Variants in INO80 observed in about 807,000 individuals in gnomAD.
INO80 encodes the protein INO80 complex ATPase subunit, also known as chromatin-remodeling ATPase INO80.
A neutral mutation model predicts 203.4 loss-of-function variants in INO80; 20 were observed. That is an observed-to-expected ratio of 0.10 (90% CI 0.07 to 0.14). The LOEUF (loss-of-function observed/expected upper bound fraction) is 0.14. Ranked by LOEUF, INO80 falls within the 10% of genes least tolerant of loss-of-function variation. The pLI, the probability that INO80 is intolerant of heterozygous loss-of-function variation, is 1.00. For synonymous variants in INO80, 726 were observed against 685.2 expected (o/e 1.06, Z -0.93); for missense variants, 1,419 against 1,914.4 (o/e 0.74, Z 4.83).
intron 1 of INO80, among the ~76,000 whole-genome samples, chr15:41,101,861 C>T (rs1445877143): frequency 6.6e-6 from 1 of 150,532 alleles, no homozygotes; most frequent in African/African-American, 2.4e-5. Flanking sequence ...ATTTGTAACT[C>T]TTAGTCAAGG....
intron 24 of INO80, among the ~76,000 whole-genome samples, chr15:41,029,202 A>G (rs2044422435): frequency 6.6e-6 from 1 of 152,242 alleles, no homozygotes; most frequent in South Asian, 2.1e-4. Flanking sequence ...CTGTAAGAGA[A>G]TAATAGTTAT....
Position 40,983,032 on chromosome 15 carries a change from G to A in INO80, c.4283C>T (p.Ala1428Val). Residue 1428 changes from alanine (A) to valine (V), a missense_variant, in exon 35 of 36, where the codon GCC becomes GTC. This residue lies in a region of INO80 where 214 missense variants were observed against 248.9 expected (regional missense o/e 0.86). Coordinates refer to ENST00000648947, the MANE Select transcript of INO80 (RefSeq NM_017553.3). ...ACCTTTGGGGCGGCCTCGGCTTCGGGCTGAGTGACCACGTCCTGCAGCTGG... is the reference window on the plus strand; with the variant it reads ...ACCTTTGGGGCGGCCTCGGCTTCGGACTGAGTGACCACGTCCTGCAGCTGG... Reference protein sequence around the residue: ...EMPAAGRGHSARSRGRPKGSG... With the variant: ...EMPAAGRGHSVRSRGRPKGSG... 6.2e-7 allele frequency: 1 copy of A among 1,613,986 alleles called. No individual in the cohort carries two copies.
rs112601237 is a variant in INO80, at chr15:41,073,001, G to A, written c.1395+427C>T. On this transcript the variant is annotated intron_variant, in intron 11 of 35. Coordinates refer to ENST00000648947, the MANE Select transcript of INO80 (RefSeq NM_017553.3). Reference sequence around the variant, plus strand: ...TCACCGTGTTAGCCTGGATGGTCTCGATCTCCTGACCTCGTGATCCACCCA... The same window carrying A: ...TCACCGTGTTAGCCTGGATGGTCTCAATCTCCTGACCTCGTGATCCACCCA... 8.4e-4 allele frequency among the ~76,000 whole-genome samples: 128 copies of A among 151,968 alleles called. 1 individual carries two copies. The highest frequency in any genetic ancestry group is 3.0e-3 in the African/African-American group (123 of 41,440).
chr15:41,079,614 T>G, intron 9 of INO80, 87 bp downstream of exon 9: 3 of 1,151,486 alleles, frequency 2.6e-6, no homozygotes, highest in Non-Finnish European at 3.9e-6. Context: ...GTGTCATTGG[T>G]TAGATGTACA....
At chr15:40,983,375 A>C (rs2140407129) in intron 34 of INO80, among the ~76,000 whole-genome samples, 1 of 152,242 alleles carries the variant, frequency 6.6e-6, no homozygotes, top group South Asian at 2.1e-4. Flanking sequence ...GCGACTTGCT[A>C]CCTGGGACTC....
At chr15:41,026,865 C>A (rs1340871730) in intron 25 of INO80, among the ~76,000 whole-genome samples, 1 of 152,184 alleles carries the variant, frequency 6.6e-6, no homozygotes, top group Non-Finnish European at 1.5e-5. Flanking sequence ...GTAAATAACC[C>A]CAGTGTGCCA....
chr15:41,079,936 G>C, intron 8 of INO80, 32 bp from the exon 9 acceptor site: 5 of 1,594,024 alleles, frequency 3.1e-6, no homozygotes, highest in Non-Finnish European at 3.4e-6. Flanking sequence ...CAGCGGAAAG[G>C]ACCCCATACC....
intron 13 of INO80, 151 bp downstream of exon 13, chr15:41,070,316 A>T (rs943861653): frequency 5.9e-6 from 4 of 676,284 alleles, no homozygotes; most frequent in African/African-American, 5.4e-5. Flanking sequence ...GTTATAAAAC[A>T]CTGTCCCCTT....
rs1010451266 is a variant in INO80, at chr15:41,114,199, G to A, written c.-44+1774C>T. 5.3e-5 allele frequency among the ~76,000 whole-genome samples: 8 copies of A among 151,504 alleles called. No individual in the cohort carries two copies. In the South Asian group the frequency reaches 6.3e-4, roughly 12 times the overall value. On this transcript the variant is annotated intron_variant, in intron 1 of 35. Coordinates refer to ENST00000648947, the MANE Select transcript of INO80 (RefSeq NM_017553.3). ...GGAGAATTGCTTGAACCCGGGAGGC[G>A]GAAGCTGCAGTGAGCCGAGATCACG...
intron 1 of INO80, among the ~76,000 whole-genome samples, chr15:41,099,082 A>G (rs1395670185): frequency 6.6e-6 from 1 of 151,376 alleles, no homozygotes; most frequent in Non-Finnish European, 1.5e-5. Context: ...GTGTCCCTAC[A>G]AAAAATTTAA....
chr15:41,072,857 A>G (rs1046580330), intron 11 of INO80, among the ~76,000 whole-genome samples: 1 of 150,902 alleles, frequency 6.6e-6, no homozygotes, highest in East Asian at 1.9e-4. Flanking sequence ...CTCGGCTCAC[A>G]GCAAGCTCCG....
intron 6 of INO80, among the ~76,000 whole-genome samples, chr15:41,086,673 A>T (rs1281457289): frequency 1.3e-5 from 2 of 151,932 alleles, no homozygotes; most frequent in African/African-American, 4.8e-5. Context: ...AAAGAAATTA[A>T]TACTTTCAGG....
At chr15:41,092,214 T>C (rs1379576632) in intron 4 of INO80, 32 bp from the exon 5 acceptor site, 1 of 1,546,154 alleles carries the variant, frequency 6.5e-7, no homozygotes, top group African/African-American at 1.4e-5. Flanking sequence ...ATGTATCTTT[T>C]GCTGTGAAGC....
In INO80 at chr15:41,048,154, A is replaced by G. The variant is rs568900565; in HGVS notation, c.2641+58T>C. 27 of 1,332,874 alleles carry G rather than the reference A, an allele frequency of 2.0e-5. No individual in the cohort carries two copies. In the Middle Eastern group the frequency reaches 5.5e-4, roughly 27 times the overall value. The allele number at this position is 1,332,874 out of a possible 1,614,324, so 82.6% of individuals were successfully genotyped here. A position where few individuals can be genotyped will look rare whatever the true frequency, so the allele number is the denominator to read the frequency against. ...TTCTAAATCAGTCTCTCAGCAAAACAAAGAGCATCCTGGTAAAACCCTGAC... is the reference window on the plus strand; with the variant it reads ...TTCTAAATCAGTCTCTCAGCAAAACGAAGAGCATCCTGGTAAAACCCTGAC... On this transcript the variant is annotated intron_variant, in intron 22 of 35. Coordinates refer to ENST00000648947, the MANE Select transcript of INO80 (RefSeq NM_017553.3).
At chr15:41,035,752 G>A (rs1043407126) in intron 24 of INO80, among the ~76,000 whole-genome samples, 4 of 145,432 alleles carry the variant, frequency 2.8e-5, no homozygotes, top group Non-Finnish European at 6.0e-5. Context: ...AAACTGGGAG[G>A]CGGAGGTTGC....
chr15:41,012,232 G>A (rs2140451184), intron 27 of INO80, among the ~76,000 whole-genome samples: 1 of 152,276 alleles, frequency 6.6e-6, no homozygotes, highest in South Asian at 2.1e-4. Context: ...CATCCCAAAT[G>A]CACAGGGATT....
chr15:41,115,521 C>T (rs1193850963), intron 1 of INO80, among the ~76,000 whole-genome samples: 2 of 152,246 alleles, frequency 1.3e-5, no homozygotes, highest in Non-Finnish European at 2.9e-5. Flanking sequence ...CAAAATGACA[C>T]ACTAACAAGC....
intron 14 of INO80, 80 bp downstream of exon 14, chr15:41,069,490 G>T (rs2045277716): frequency 3.7e-6 from 3 of 821,814 alleles, no homozygotes; most frequent in East Asian, 2.7e-5. Context: ...ACTGTTATGA[G>T]TAATTAGTAG....
intron 29 of INO80, among the ~76,000 whole-genome samples, chr15:40,989,209 C>CA (rs1161463563): frequency 1.3e-5 from 2 of 152,160 alleles, no homozygotes; most frequent in African/African-American, 2.4e-5. Flanking sequence ...ATGCTGGAAA[C>CA]AGGCATGGCT....
Sources: allele counts gnomAD v4.1 joint callset (sites outside exome capture counted in the v4.1 genomes callset), GRCh38; gene constraint gnomAD v4.1.1; regional missense constraint gnomAD v4.1.1; transcripts MANE v1.5; gene names NCBI Gene and HGNC (gene_info 2026-07-23, HGNC 2026-07-21).